ADGRE3: variants seen among roughly 807,000 people sequenced by gnomAD.
ADGRE3 encodes EGF-like module receptor 3.
In ADGRE3, 88 loss-of-function variants were observed where a neutral mutation model predicts 80.1. That is an observed-to-expected ratio of 1.10 (90% CI 0.93 to 1.31). The LOEUF is 1.31. Ranked by LOEUF, ADGRE3 falls within the 40% of genes most tolerant of loss-of-function variation. The probability of loss-of-function intolerance (pLI) is 0.00; values close to 1 mark genes in which losing one functional copy is unlikely to be tolerated. For missense variants in ADGRE3, 715 were observed against 776.5 expected (o/e 0.92, Z 0.94); for synonymous variants, 281 against 294.8 (o/e 0.95, Z 0.48).
At chr19:14,636,092 T>TTCTTTCTTTC (rs1555755803) in intron 11 of ADGRE3, among the ~76,000 whole-genome samples, 15 of 37,290 alleles carry the variant, frequency 4.0e-4, no homozygotes, top group African/African-American at 1.1e-3. Flanking sequence ...CTTTCTTTCT[T>TTCTTTCTTTC]TCTTTCTTTC....
chr19:14,620,561 TA>T (rs1970565598), intron 15 of ADGRE3, among the ~76,000 whole-genome samples: 3 of 39,248 alleles, frequency 7.6e-5, no homozygotes, highest in African/African-American at 2.3e-4. Context: ...TATATATATA[TA>T]TATATATTTT....
rs562512365 is a variant in ADGRE3 at position 14,654,672 on chromosome 19, A to G, written c.577+310T>C. Among the ~76,000 whole-genome samples, 330 of 152,228 alleles carry G rather than the reference A, an allele frequency of 2.2e-3. 1 individual carries two copies. Among genetic ancestry groups the G allele is most frequent in the African/African-American group, 7.5e-3 (312 of 41,540 alleles). ...ATAATTGATGTCTAACCAACTGCACATATTAAAGTGTACAATCTGGTGAGT... is the reference window on the plus strand; with the variant it reads ...ATAATTGATGTCTAACCAACTGCACGTATTAAAGTGTACAATCTGGTGAGT... On this transcript the variant is annotated intron_variant, in intron 6 of 15. Transcript: ENST00000253673.
chr19:14,668,934 A>G, intron 1 of ADGRE3, 82 bp from the exon 2 acceptor site: 1 of 1,334,036 alleles, frequency 7.5e-7, no homozygotes, highest in East Asian at 2.3e-5. Context: ...ACTGTGTATC[A>G]GTTATCTATC....
chr19:14,641,137 G>A (rs1165179221), intron 10 of ADGRE3, among the ~76,000 whole-genome samples: 2 of 152,014 alleles, frequency 1.3e-5, no homozygotes, highest in Non-Finnish European at 2.9e-5. Flanking sequence ...TGTCAAAAAC[G>A]CTGTCGTTCT....
intron 5 of ADGRE3, among the ~76,000 whole-genome samples, chr19:14,657,556 A>ATC (rs776997495): frequency 1.2e-4 from 18 of 150,300 alleles, no homozygotes; most frequent in East Asian, 9.7e-4. Context: ...ACCTATATCT[A>ATC]TATATATATA....
intron 9 of ADGRE3, among the ~76,000 whole-genome samples, chr19:14,642,337 C>A (rs1971277541): frequency 6.6e-6 from 1 of 151,794 alleles, no homozygotes; most frequent in Admixed American, 6.6e-5. Context: ...CAAGTGAGAC[C>A]CCGTATCTAA....
Position 14,636,163 on chromosome 19 carries a change from T to TTCC in ADGRE3, c.1484+1941_1484+1942insGGA, listed in dbSNP as rs1178305987. ...CTTTCTTTCTTTCTTCCTTTCCTCC[T>TTCC]TTCCTTTCCTTTCCTTCCTCTTTCT... On this transcript the variant is annotated intron_variant, in intron 11 of 15. Coordinates refer to ENST00000253673, the MANE Select transcript of ADGRE3 (RefSeq NM_032571.5). 7.7e-3 allele frequency among the ~76,000 whole-genome samples: 615 copies of TTCC among 79,978 alleles called. 139 individuals carry two copies. Among genetic ancestry groups the TTCC allele is most frequent in the Middle Eastern group, 0.042 (8 of 192 alleles). 52.5% of individuals were successfully genotyped at this position (79,978 alleles called of 152,430 possible).
chr19:14,607,004 C>T, the ADGRE3 span: 1 of 1,287,408 alleles, frequency 7.8e-7, no homozygotes, highest in Non-Finnish European at 9.9e-7. Flanking sequence ...ATTTTGTGGC[C>T]AAGGCCCATG....
downstream of ADGRE3, among the ~76,000 whole-genome samples, chr19:14,614,493 A>G (rs1026808923): frequency 6.6e-6 from 1 of 152,180 alleles, no homozygotes; most frequent in Non-Finnish European, 1.5e-5. Flanking sequence ...TTTATCAAAC[A>G]TATATTGTGT....
chr19:14,632,104 C>T (rs531425789), intron 13 of ADGRE3, among the ~76,000 whole-genome samples: 33 of 152,128 alleles, frequency 2.2e-4, no homozygotes, highest in Non-Finnish European at 3.1e-4. Context: ...CTATCACACA[C>T]GATTGGAGAT....
intron 10 of ADGRE3, 125 bp downstream of exon 10, chr19:14,641,294 G>A (rs929595525): frequency 8.3e-7 from 1 of 1,201,450 alleles, no homozygotes; most frequent in Non-Finnish European, 1.2e-6. Context: ...AAGGGTAGCG[G>A]GAAAATTATA....
downstream of ADGRE3, among the ~76,000 whole-genome samples, chr19:14,615,733 G>A (rs1262130064): frequency 6.6e-6 from 1 of 150,788 alleles, no homozygotes; most frequent in African/African-American, 2.4e-5. Context: ...CTGCACTCCA[G>A]CCTGGGCAAC....
At chr19:14,603,859 T>A in the ADGRE3 span, among the ~76,000 whole-genome samples, 1 of 152,210 alleles carries the variant, frequency 6.6e-6, no homozygotes, top group South Asian at 2.1e-4. Context: ...GATCCAGTGA[T>A]GACCAAGACA....
At chr19:14,640,822 A>G (rs567782546) in intron 10 of ADGRE3, among the ~76,000 whole-genome samples, 1 of 152,202 alleles carries the variant, frequency 6.6e-6, no homozygotes, top group African/African-American at 2.4e-5. Context: ...TGATGGTTTT[A>G]TCAGGGGTTT....
downstream of ADGRE3, among the ~76,000 whole-genome samples, chr19:14,617,823 G>A (rs1162817998): frequency 1.3e-5 from 2 of 151,470 alleles, no homozygotes; most frequent in African/African-American, 4.9e-5. Context: ...TTTCTCCTGT[G>A]TGGTCTTCTA....
At chr19:14,629,019 T>A (rs1970806391) in intron 14 of ADGRE3, among the ~76,000 whole-genome samples, 1 of 151,744 alleles carries the variant, frequency 6.6e-6, no homozygotes, top group South Asian at 2.1e-4. Flanking sequence ...GCCTCCTGGG[T>A]TCAAGTGATT....
rs376966538 is a variant in ADGRE3, at chr19:14,620,484, T to C, written c.1921-1013A>G. ...TATATGAATATATTATGAGTACATA[T>C]GAATATATATGAATATATGAATATA... On this transcript the variant is annotated intron_variant, in intron 15 of 15. Transcript: ENST00000253673. 4.6e-4 allele frequency among the ~76,000 whole-genome samples: 13 copies of C among 28,234 alleles called. No individual in the cohort carries two copies. The East Asian group carries it at 8.2e-3, about 18-fold the overall frequency. The allele number at this position is 28,234 out of a possible 152,430, so 18.5% of individuals were successfully genotyped here.
chr19:14,604,062 A>G, the ADGRE3 span, among the ~76,000 whole-genome samples: 4 of 152,122 alleles, frequency 2.6e-5, no homozygotes, highest in Non-Finnish European at 4.4e-5. Context: ...CTTGGGCACA[A>G]GAGATCTTTC....
At chr19:14,658,064 C>A (rs1020672112) in intron 5 of ADGRE3, among the ~76,000 whole-genome samples, 3 of 152,002 alleles carry the variant, frequency 2.0e-5, no homozygotes, top group African/African-American at 7.2e-5. Flanking sequence ...CACGCCAAGC[C>A]CGGCAATACT....
Sources: allele counts gnomAD v4.1 joint callset (sites outside exome capture counted in the v4.1 genomes callset), GRCh38; gene constraint gnomAD v4.1.1; transcripts MANE v1.5; gene names NCBI Gene and HGNC (gene_info 2026-07-23, HGNC 2026-07-21).